Variants in FRMD5 observed in about 807,000 individuals in gnomAD.
FRMD5 encodes the protein FERM domain-containing protein 5.
Under a neutral mutation model 69.0 loss-of-function variants are expected in FRMD5, and 20 were observed. The observed-to-expected ratio is 0.29, with a 90% CI of 0.20 to 0.42. FRMD5 has a LOEUF of 0.42. Ranked by LOEUF, FRMD5 falls within the 10% of genes least tolerant of loss-of-function variation. The pLI is 1.00. For synonymous variants in FRMD5, 271 were observed against 260.1 expected, an observed-to-expected ratio of 1.04 and a Z score of -0.40; for missense variants, 595 against 708.6, an observed-to-expected ratio of 0.84 and a Z score of 1.82.
rs148081959 is a variant in FRMD5, at chr15:43,874,420, C to T, written c.1178G>A (p.Arg393His). ...GAAGGTGTCCCCATGGGAAGTGGAA[C>T]GCACTGGTGTGGAATGGGCACTGTC... The part of the protein sequence containing the change: ...LRDSAHSTPV[R>H]STSHGDTFLP... The change falls in exon 14 of 14, where the codon CGT (arginine) becomes CAT (histidine). Residue 393 changes from arginine to histidine, a missense_variant. Physicochemically the swap from Arg to His is conservative, Grantham distance 29 (BLOSUM62 0). Coordinates refer to ENST00000417257, the MANE Select transcript of FRMD5 (RefSeq NM_032892.5). 174 of 1,614,090 alleles carry T rather than the reference C, an allele frequency of 1.1e-4. No homozygotes were observed. Among genetic ancestry groups the T allele is most frequent in the Non-Finnish European group, 1.3e-4 (151 of 1,180,050 alleles).
chr15:44,174,399 T>A (rs1216498002), intron 1 of FRMD5, among the ~76,000 whole-genome samples: 1 of 152,206 alleles, frequency 6.6e-6, no homozygotes, highest in Non-Finnish European at 1.5e-5. Context: ...AATGTCTGTT[T>A]CCCAATGGCA....
At chr15:44,070,987 A>C (rs999927619) in intron 1 of FRMD5, among the ~76,000 whole-genome samples, 4 of 151,990 alleles carry the variant, frequency 2.6e-5, no homozygotes, top group African/African-American at 9.7e-5. Context: ...CTGCTATCCC[A>C]TTGCCTGGCA....
At chr15:44,098,538 A>AAAAG (rs1555403688) in intron 1 of FRMD5, among the ~76,000 whole-genome samples, 3 of 145,598 alleles carry the variant, frequency 2.1e-5, no homozygotes, top group Non-Finnish European at 1.5e-5. Context: ...AAAAAAAAAA[A>AAAAG]AGAGAGAGAG....
chr15:44,121,988 C>CAAAA (rs34129381), intron 1 of FRMD5, among the ~76,000 whole-genome samples: 2 of 70,002 alleles, frequency 2.9e-5, no homozygotes, highest in African/African-American at 4.8e-5. Context: ...AAGGGAGACT[C>CAAAA]AAAAAAAAAA....
chr15:44,149,247 C>T (rs1184380386), intron 1 of FRMD5, among the ~76,000 whole-genome samples: 1 of 150,554 alleles, frequency 6.6e-6, no homozygotes, highest in African/African-American at 2.4e-5. Context: ...CTATAGTAAC[C>T]ACAGAGAAAA....
At chr15:43,978,243 T>C (rs751865904) in intron 1 of FRMD5, among the ~76,000 whole-genome samples, 16 of 151,996 alleles carry the variant, frequency 1.1e-4, no homozygotes, top group South Asian at 4.2e-4. Flanking sequence ...ATTAGCAAAA[T>C]ACAAATGAGA....
intron 1 of FRMD5, among the ~76,000 whole-genome samples, chr15:43,974,577 C>A (rs2090435913): frequency 1.3e-5 from 2 of 152,190 alleles, no homozygotes; most frequent in Admixed American, 6.5e-5. Flanking sequence ...GTAAGCTTTT[C>A]TAAGAGAGGG....
intron 1 of FRMD5, among the ~76,000 whole-genome samples, chr15:43,949,987 T>A (rs1184328608): frequency 6.6e-6 from 1 of 152,176 alleles, no homozygotes; most frequent in Non-Finnish European, 1.5e-5. Flanking sequence ...AGCCAGGAGC[T>A]CTGGAACTTG....
At chr15:44,148,120 T>A (rs2077384108) in intron 1 of FRMD5, among the ~76,000 whole-genome samples, 1 of 152,198 alleles carries the variant, frequency 6.6e-6, no homozygotes, top group Non-Finnish European at 1.5e-5. Context: ...ATCCTTTTTG[T>A]TTCCCTCCCT....
At chr15:44,079,478 T>C (rs891858984) in intron 1 of FRMD5, among the ~76,000 whole-genome samples, 22 of 152,056 alleles carry the variant, frequency 1.4e-4, no homozygotes, top group African/African-American at 3.1e-4. Flanking sequence ...AGATGATCCA[T>C]TGGAGCCAAG....
chr15:44,177,639 T>C (rs1196837602), intron 1 of FRMD5, among the ~76,000 whole-genome samples: 1 of 152,174 alleles, frequency 6.6e-6, no homozygotes, highest in Non-Finnish European at 1.5e-5. Flanking sequence ...ATTAGATATC[T>C]TGATGGTTGC....
At chr15:43,882,213 A>T (rs935264726) in intron 13 of FRMD5, among the ~76,000 whole-genome samples, 1 of 152,182 alleles carries the variant, frequency 6.6e-6, no homozygotes. Flanking sequence ...GGCCTCAGCT[A>T]TTGGGGTATC....
chr15:44,121,038 AAC>A (rs529668127), intron 1 of FRMD5, among the ~76,000 whole-genome samples: 265 of 152,258 alleles, frequency 1.7e-3, no homozygotes, highest in Non-Finnish European at 2.9e-3. Flanking sequence ...TCAGAAAGAA[AAC>A]ACAGAGTGAG....
intron 1 of FRMD5, among the ~76,000 whole-genome samples, chr15:43,939,040 T>G (rs2089814814): frequency 6.6e-6 from 1 of 151,862 alleles, no homozygotes; most frequent in Non-Finnish European, 1.5e-5. Flanking sequence ...TTTTTTTTTT[T>G]TTGTATTTTT....
chr15:44,093,944 TATC>T (rs763247691), intron 1 of FRMD5, among the ~76,000 whole-genome samples: 48 of 152,288 alleles, frequency 3.2e-4, no homozygotes, highest in Non-Finnish European at 2.8e-4. Context: ...CACCATTATA[TATC>T]ATAATACTTG....
intron 1 of FRMD5, among the ~76,000 whole-genome samples, chr15:44,059,574 CA>C (rs1893007369): frequency 2.0e-5 from 3 of 152,166 alleles, no homozygotes; most frequent in Admixed American, 2.0e-4. Flanking sequence ...TGCAGTGGCA[CA>C]ATCTTGGCTC....
intron 1 of FRMD5, among the ~76,000 whole-genome samples, chr15:44,165,387 A>C (rs766693913): frequency 2.0e-5 from 3 of 152,170 alleles, no homozygotes; most frequent in Non-Finnish European, 4.4e-5. Context: ...ATGCCACTGC[A>C]CTCCAGCCTA....
intron 1 of FRMD5, among the ~76,000 whole-genome samples, chr15:44,086,479 C>A (rs1422271161): frequency 6.6e-6 from 1 of 152,130 alleles, no homozygotes; most frequent in Non-Finnish European, 1.5e-5. Flanking sequence ...TTAGATAATT[C>A]TATTTATGTA....
intron 1 of FRMD5, among the ~76,000 whole-genome samples, chr15:44,048,638 T>C (rs544046774): frequency 6.6e-6 from 1 of 152,126 alleles, no homozygotes; most frequent in South Asian, 2.1e-4. Context: ...AGTGGTGTGA[T>C]CTCGTCTCAC....
Sources: gnomAD v4.1 joint callset for allele counts (sites outside exome capture counted in the v4.1 genomes callset) on GRCh38, gnomAD v4.1.1 for gene constraint, MANE v1.5 for transcripts, NCBI Gene and HGNC (gene_info 2026-07-23, HGNC 2026-07-21) for gene names.